The following TMEM41B variants were observed in gnomAD, a reference collection of about 807,000 sequenced individuals.
The protein encoded by TMEM41B is transmembrane protein 41B.
A neutral mutation model predicts 31.9 loss-of-function variants in TMEM41B; 18 were observed. The ratio of observed to expected loss-of-function variants is 0.56; its 90% confidence interval spans 0.39 to 0.84. TMEM41B has a LOEUF of 0.84. Among genes scored for constraint, TMEM41B ranks in the 40% least tolerant of loss-of-function variants. The pLI, the probability that TMEM41B is intolerant of heterozygous loss-of-function variation, is 0.00. For synonymous variants in TMEM41B, 144 were observed against 124.3 expected, an observed-to-expected ratio of 1.16 and a Z score of -1.05; for missense variants, 322 against 348.0, an observed-to-expected ratio of 0.93 and a Z score of 0.59.
At chr11:9,304,428 T>A (rs1281330167) in intron 1 of TMEM41B, among the ~76,000 whole-genome samples, 2 of 152,136 alleles carry the variant, frequency 1.3e-5, no homozygotes, top group African/African-American at 4.8e-5. Context: ...TCCAATTGAA[T>A]AAAAAACGTT....
intron 5 of TMEM41B, 37 bp downstream of exon 5, chr11:9,287,665 A>T: frequency 6.9e-7 from 1 of 1,455,452 alleles, no homozygotes; most frequent in Non-Finnish European, 9.5e-7. Context: ...CCAATTAACA[A>T]AGAGTTACAT....
At chr11:9,310,792 C>T (rs1853541746) in intron 1 of TMEM41B, among the ~76,000 whole-genome samples, 1 of 151,210 alleles carries the variant, frequency 6.6e-6, no homozygotes, top group Non-Finnish European at 1.5e-5. Context: ...AGTCAAAGCT[C>T]ATCGACCAAA....
chr11:9,298,775 G>GAA lies in TMEM41B; in HGVS notation c.239+807_239+808dup, dbSNP rs35116259. The stretch of plus-strand genomic sequence containing the variant: ...ATAGAGTGAAACTATCTCAAATGAA[G>GAA]AAAAAAAAAAAAAAATTGTGAAGGA... On this transcript the variant is annotated intron_variant, in intron 2 of 6. Coordinates refer to ENST00000528080, the MANE Select transcript of TMEM41B (RefSeq NM_015012.4). Among the ~76,000 whole-genome samples, 861 of 143,832 alleles carry GAA rather than the reference G, an allele frequency of 6.0e-3. 4 individuals carry two copies. Among genetic ancestry groups the GAA allele is most frequent in the Non-Finnish European group, 7.2e-3 (475 of 66,300 alleles). 94.4% of individuals were successfully genotyped at this position (143,832 alleles called of 152,430 possible).
chr11:9,301,013 C>G (rs1408342580), intron 1 of TMEM41B, among the ~76,000 whole-genome samples: 1 of 152,146 alleles, frequency 6.6e-6, no homozygotes, highest in African/African-American at 2.4e-5. Flanking sequence ...ATTGCACTCA[C>G]TGGGGAAGAG....
In TMEM41B at chr11:9,311,258, G is replaced by A. The variant is rs537330954; in HGVS notation, c.121+3063C>T. On this transcript the variant is annotated intron_variant, in intron 1 of 6. Coordinates refer to ENST00000528080, the MANE Select transcript of TMEM41B (RefSeq NM_015012.4). ...GAGAGCAGAACTGGTGAGACTTGAG[G>A]GAAGGACCCAGGGCCTGTATTCAGT... 1.9e-5 allele frequency: 28 copies of A among 1,500,826 alleles called. No homozygotes were observed. In the African/African-American group the frequency reaches 3.3e-4, roughly 18 times the overall value. 93.0% of individuals were successfully genotyped at this position (1,500,826 alleles called of 1,614,324 possible).
intron 2 of TMEM41B, among the ~76,000 whole-genome samples, chr11:9,296,846 C>T (rs1205407298): frequency 6.6e-6 from 1 of 152,136 alleles, no homozygotes; most frequent in Non-Finnish European, 1.5e-5. Flanking sequence ...TTGTTTGGAA[C>T]TGAATGATTT....
At position 9,314,328 on chromosome 11, in the gene TMEM41B, G is replaced by T; in HGVS notation, c.114C>A (p.His38Gln). The T allele has an allele frequency of 6.3e-7, 1 of 1,598,952 alleles. No homozygotes were observed. The stretch of plus-strand genomic sequence containing the variant: ...CTCCCCGGGCCCACTCACCCTTCTG[G>T]TGGTCTCTGCTGCCAGGCGCCGCGA... ...RGLAAPGSRDHQKEKSWVEAG... is the reference protein window; with the variant it reads ...RGLAAPGSRDQQKEKSWVEAG... The change falls in exon 1 of 7, where the codon CAC (histidine) becomes CAA (glutamine). Residue 38 changes from histidine to glutamine, a missense_variant. Transcript: ENST00000528080.
At chr11:9,301,435 G>A (rs1179951494) in intron 1 of TMEM41B, among the ~76,000 whole-genome samples, 1 of 152,142 alleles carries the variant, frequency 6.6e-6, no homozygotes, top group African/African-American at 2.4e-5. Context: ...TTCAACTATT[G>A]CACAGGTGGC....
chr11:9,293,113 GTTTA>G (rs770499174), intron 3 of TMEM41B, among the ~76,000 whole-genome samples: 4 of 152,050 alleles, frequency 2.6e-5, no homozygotes, highest in Non-Finnish European at 4.4e-5. Context: ...ATTTTTACTG[GTTTA>G]TTTATTTGAG....
rs1195022830 is a variant in TMEM41B at position 9,302,953 on chromosome 11, T to C, written c.122-3252A>G. 2.0e-5 allele frequency among the ~76,000 whole-genome samples: 2 copies of C among 100,714 alleles called. 1 individual carries two copies. Among genetic ancestry groups the C allele is most frequent in the Non-Finnish European group, 4.3e-5 (2 of 46,750 alleles). 66.1% of individuals were successfully genotyped at this position (100,714 alleles called of 152,430 possible). The stretch of plus-strand genomic sequence containing the variant: ...TAAGCACAGAACTTTGATTCCGGCC[T>C]GGGCAACACAGTGAGACCCTATCTC... On this transcript the variant is annotated intron_variant, in intron 1 of 6. Transcript: ENST00000528080.
At chr11:9,288,246 A>G (rs1345788306) in intron 4 of TMEM41B, among the ~76,000 whole-genome samples, 196 bp downstream of exon 4, 1 of 152,208 alleles carries the variant, frequency 6.6e-6, no homozygotes, top group Non-Finnish European at 1.5e-5. Flanking sequence ...ATAGCTTATA[A>G]ATGCAACTAA....
chr11:9,283,534 T>C lies in TMEM41B; in HGVS notation c.766A>G (p.Thr256Ala). 1.2e-6 allele frequency: 2 copies of C among 1,613,636 alleles called. No individual in the cohort carries two copies. The highest frequency in any genetic ancestry group is 1.7e-6 in the Non-Finnish European group (2 of 1,179,862). The change falls in exon 7 of 7, where the codon ACA becomes GCA. Residue 256 changes from threonine (T) to alanine (A), a missense_variant. Thr to Ala is a moderately conservative substitution (Grantham distance 58). This residue lies in a region of TMEM41B where 92 missense variants were observed against 88.0 expected (regional missense o/e 1.05). Coordinates refer to ENST00000528080, the MANE Select transcript of TMEM41B (RefSeq NM_015012.4). ...TTCCAGGAAACAGCTTCTCCTGCTG[T>C]TGTAAGTTGATACAGTGTTGTTCCT... ...KAGTTLYQLT[T>A]AGEAVSWNSI...
chr11:9,292,366 T>C (rs867789118), intron 3 of TMEM41B, among the ~76,000 whole-genome samples: 3 of 152,300 alleles, frequency 2.0e-5, no homozygotes, highest in Middle Eastern at 3.4e-3. Context: ...TCTTGGTTCT[T>C]GATAACACCA....
In TMEM41B at chr11:9,287,686, A is replaced by G. The variant is rs1852865965; in HGVS notation, c.567+16T>C. ...AACAAAGAGTTACATCAAATAATTTAAAAATACATGTTTACCTGCTGTGAC... is the reference window on the plus strand; with the variant it reads ...AACAAAGAGTTACATCAAATAATTTGAAAATACATGTTTACCTGCTGTGAC... On this transcript the variant is annotated intron_variant, in intron 5 of 6. Transcript: ENST00000528080. 6.4e-7 allele frequency: 1 copy of G among 1,566,786 alleles called. No individual in the cohort carries two copies. The highest frequency in any genetic ancestry group is 1.4e-5 in the African/African-American group (1 of 73,432).
chr11:9,287,877 T>C lies in TMEM41B; in HGVS notation c.463-71A>G, dbSNP rs1590372254. The stretch of plus-strand genomic sequence containing the variant: ...ACTCACATTGATTTATTCACCTGAG[T>C]AAAAAGCTCAATTAATTTACTTCTT... On this transcript the variant is annotated intron_variant, in intron 4 of 6. Coordinates refer to ENST00000528080, the MANE Select transcript of TMEM41B (RefSeq NM_015012.4). 4.5e-6 allele frequency: 5 copies of C among 1,106,580 alleles called. No individual in the cohort carries two copies. The East Asian group carries it at 1.2e-4, about 27-fold the overall frequency. The allele number at this position is 1,106,580 out of a possible 1,614,324, so 68.5% of individuals were successfully genotyped here.
chr11:9,299,851 GA>G, intron 1 of TMEM41B, 150 bp from the exon 2 acceptor site: 1 of 649,190 alleles, frequency 1.5e-6, no homozygotes, highest in Non-Finnish European at 2.7e-6. Context: ...CGGGCACAGT[GA>G]CTCACGCCTG....
intron 3 of TMEM41B, among the ~76,000 whole-genome samples, chr11:9,291,097 T>TA (rs1474902471): frequency 2.0e-5 from 3 of 151,554 alleles, no homozygotes; most frequent in African/African-American, 4.8e-5. Context: ...GCCTGGGAAA[T>TA]AGAGTGAGAC....
chr11:9,309,747 C>T (rs1486077529), intron 1 of TMEM41B, among the ~76,000 whole-genome samples: 1 of 150,908 alleles, frequency 6.6e-6, no homozygotes, highest in Admixed American at 6.6e-5. Flanking sequence ...ATGGTGAAAC[C>T]CCATCTCTAC....
chr11:9,296,914 T>C (rs1853104688), intron 2 of TMEM41B, among the ~76,000 whole-genome samples: 1 of 152,036 alleles, frequency 6.6e-6, no homozygotes, highest in Non-Finnish European at 1.5e-5. Context: ...TATGATCATT[T>C]CTTTTTTTTT....
Sources: allele counts gnomAD v4.1 joint callset (sites outside exome capture counted in the v4.1 genomes callset), GRCh38; gene constraint gnomAD v4.1.1; regional missense constraint gnomAD v4.1.1; transcripts MANE v1.5; gene names NCBI Gene and HGNC (gene_info 2026-07-23, HGNC 2026-07-21).